CDC20B: variants seen among roughly 807,000 people sequenced by gnomAD.
The protein encoded by CDC20B is cell division cycle 20B.
CDC20B carries 58 observed loss-of-function variants against 64.1 expected under a neutral mutation model. The observed-to-expected ratio is 0.90, with a 90% CI of 0.73 to 1.13. The LOEUF (loss-of-function observed/expected upper bound fraction) is 1.13, where lower values mean the gene tolerates loss of function less well. CDC20B is among the 50% of genes most tolerant of loss of function. The pLI, the probability that CDC20B is intolerant of heterozygous loss-of-function variation, is 0.00. For synonymous variants in CDC20B, 243 were observed against 230.6 expected (o/e 1.05, Z -0.49); for missense variants, 597 against 633.0 (o/e 0.94, Z 0.61).
At chr5:55,128,289 A>G in intron 7 of CDC20B, 132 bp downstream of exon 7, 1 of 583,962 alleles carries the variant, frequency 1.7e-6, no homozygotes, top group Non-Finnish European at 2.7e-6. Context: ...GCGGAATGTC[A>G]TCTCCTTTTA....
At chr5:55,135,620 G>A (rs1401858299) in intron 5 of CDC20B, 3 of 152,078 alleles carry the variant, frequency 2.0e-5, no homozygotes, top group Non-Finnish European at 4.4e-5. Flanking sequence ...AGACGCTTGA[G>A]GAATAAACAT....
chr5:55,134,310 C>T (rs1743104150), intron 5 of CDC20B, among the ~76,000 whole-genome samples: 1 of 152,128 alleles, frequency 6.6e-6, no homozygotes, highest in East Asian at 1.9e-4. Context: ...CACAATGCTA[C>T]ACCAAGAAAC....
intron 2 of CDC20B, among the ~76,000 whole-genome samples, chr5:55,171,558 G>A (rs1446756448): frequency 6.6e-6 from 1 of 152,066 alleles, no homozygotes; most frequent in African/African-American, 2.4e-5. Flanking sequence ...ATCGAGTTCT[G>A]AAAATGCAAT....
intron 4 of CDC20B, among the ~76,000 whole-genome samples, chr5:55,141,709 A>G (rs1743334023): frequency 6.6e-6 from 1 of 152,228 alleles, no homozygotes; most frequent in South Asian, 2.1e-4. Context: ...GTTATGTCAC[A>G]TAATTGGCAT....
In CDC20B at chr5:55,133,435, A is replaced by G; in HGVS notation, c.674T>C (p.Ile225Thr). The change falls in exon 6 of 12, where the codon ATT (isoleucine) becomes ACT (threonine). Residue 225 changes from isoleucine (I) to threonine (T), a missense_variant. Transcript: ENST00000381375. ...ACAGTAGTCATTTCGAAGACCAGTAATATGAATCTTCACCTCTGGTTGGAG... is the reference window on the plus strand; with the variant it reads ...ACAGTAGTCATTTCGAAGACCAGTAGTATGAATCTTCACCTCTGGTTGGAG... ...SILQPEVKIH[I>T]TGLRNDYYLN... The G allele has an allele frequency of 6.4e-7, 1 of 1,561,174 alleles. No individual in the cohort carries two copies. Among genetic ancestry groups the G allele is most frequent in the Non-Finnish European group, 8.8e-7 (1 of 1,142,666 alleles).
Position 55,119,852 on chromosome 5 carries a change from C to T in CDC20B, c.1408G>A (p.Asp470Asn). Residue 470 changes from aspartate (D) to asparagine (N), a missense_variant, in exon 11 of 12, where the codon GAT becomes AAT. Asp to Asn is a conservative substitution (Grantham distance 23). Around this residue, in one of 3 missense-constraint regions of CDC20B, gnomAD observed 353 missense variants for 397.0 expected, o/e 0.89. Coordinates refer to ENST00000381375, the MANE Select transcript of CDC20B (RefSeq NM_001170402.1). ...IATGQGTPKN[D>N]VTVWTCPTVS... ...GTGGGACAGGTCCACACAGTCACAT[C>T]ATTCTTGGGAGTACCTTGACCAGTT... 6.2e-7 allele frequency: 1 copy of T among 1,614,040 alleles called. No homozygotes were observed. Among genetic ancestry groups the T allele is most frequent in the Non-Finnish European group, 8.5e-7 (1 of 1,179,930 alleles).
At chr5:55,125,173 G>A in intron 8 of CDC20B, 145 bp from the exon 9 acceptor site, 1 of 615,720 alleles carries the variant, frequency 1.6e-6, no homozygotes, top group Non-Finnish European at 2.8e-6. Context: ...GGGTTAATAA[G>A]GATGGAGTGT....
At chr5:55,165,492 G>T (rs937312427) in intron 2 of CDC20B, 1 of 152,214 alleles carries the variant, frequency 6.6e-6, no homozygotes, top group African/African-American at 2.4e-5. Flanking sequence ...TGACCTGATG[G>T]ATGAAAGTGA....
At chr5:55,132,985 T>C (rs1239825515) in intron 6 of CDC20B, among the ~76,000 whole-genome samples, 1 of 152,200 alleles carries the variant, frequency 6.6e-6, no homozygotes, top group Non-Finnish European at 1.5e-5. Flanking sequence ...TAGCTCCTTA[T>C]ATCCCATGAT....
At chr5:55,167,045 A>G (rs940547085) in intron 2 of CDC20B, 1 of 152,118 alleles carries the variant, frequency 6.6e-6, no homozygotes, top group Non-Finnish European at 1.5e-5. Flanking sequence ...CCCTGTCTCA[A>G]AAAAGAGAGA....
intron 8 of CDC20B, chr5:55,126,465 TCAAA>T: frequency 5.3e-5 from 4 of 75,742 alleles, no homozygotes; most frequent in South Asian, 2.6e-4. Flanking sequence ...AGATTCCATG[TCAAA>T]AAAAAAAAAA....
intron 2 of CDC20B, among the ~76,000 whole-genome samples, chr5:55,156,206 A>T (rs920246226): frequency 1.3e-5 from 2 of 152,176 alleles, no homozygotes; most frequent in African/African-American, 4.8e-5. Flanking sequence ...CAAGAACAGT[A>T]TAGGGGTAAC....
At chr5:55,134,209 C>G (rs1743101164) in intron 5 of CDC20B, among the ~76,000 whole-genome samples, 1 of 152,108 alleles carries the variant, frequency 6.6e-6, no homozygotes, top group Non-Finnish European at 1.5e-5. Context: ...TGTGATCAAA[C>G]TGAGAATGAT....
chr5:55,114,361 A>C lies in CDC20B; in HGVS notation c.1460-43T>G. Reference sequence around the variant, plus strand: ...GACAGTTCATACTCCTCCACGTTACATGGGCTGCTGCTCAGGACTGTAGGC... The same window carrying C: ...GACAGTTCATACTCCTCCACGTTACCTGGGCTGCTGCTCAGGACTGTAGGC... On this transcript the variant is annotated intron_variant, in intron 11 of 11. Transcript: ENST00000381375. The surrounding 1 kb of genome is among the most constrained non-coding windows in gnomAD (Gnocchi z 4.1). 3 of 1,607,884 alleles carry C rather than the reference A, an allele frequency of 1.9e-6. No individual in the cohort carries two copies. The highest frequency in any genetic ancestry group is 2.5e-6 in the Non-Finnish European group (3 of 1,176,866).
At position 55,167,488 on chromosome 5, in the gene CDC20B, A is replaced by G. The variant is rs75483192; in HGVS notation, c.126+5100T>C. ...CTGACATACAGCATTTGCCAGCTCA[A>G]TGTAAATGCTCATGCTCCCTCATGG... On this transcript the variant is annotated intron_variant, in intron 2 of 11. Transcript: ENST00000381375. Among the ~76,000 whole-genome samples, 186 of 152,344 alleles carry G rather than the reference A, an allele frequency of 1.2e-3. 2 individuals carry two copies. In the East Asian group the frequency reaches 0.029, roughly 24 times the overall value.
At chr5:55,141,533 A>T (rs1743328781) in intron 4 of CDC20B, among the ~76,000 whole-genome samples, 1 of 152,174 alleles carries the variant, frequency 6.6e-6, no homozygotes, top group East Asian at 1.9e-4. Flanking sequence ...AAGTGGAGTT[A>T]TACGCCTGTG....
At chr5:55,129,037 A>AGGT (rs748798860) in intron 6 of CDC20B, among the ~76,000 whole-genome samples, 7 of 152,174 alleles carry the variant, frequency 4.6e-5, no homozygotes, top group Non-Finnish European at 8.8e-5. Flanking sequence ...CAGCTAGAAG[A>AGGT]GGTGGTGGTT....
intron 2 of CDC20B, chr5:55,161,231 G>A (rs201959870): frequency 6.2e-7 from 1 of 1,613,792 alleles, no homozygotes; most frequent in African/African-American, 1.3e-5. Context: ...ATCTGAAGGA[G>A]AACCTGCATT....
chr5:55,151,313 C>T (rs1212673775), intron 2 of CDC20B, among the ~76,000 whole-genome samples: 1 of 152,206 alleles, frequency 6.6e-6, no homozygotes, highest in Non-Finnish European at 1.5e-5. Context: ...GAGGACTCAA[C>T]AGAGCATGTC....
Sources: allele counts gnomAD v4.1 joint callset (sites outside exome capture counted in the v4.1 genomes callset), GRCh38; gene constraint gnomAD v4.1.1; regional missense constraint gnomAD v4.1.1; non-coding constraint Gnocchi (gnomAD v3.1); transcripts MANE v1.5; gene names NCBI Gene and HGNC (gene_info 2026-07-23, HGNC 2026-07-21).